The following SHC4 variants were observed in gnomAD, a reference collection of about 807,000 sequenced individuals.
The protein encoded by SHC4 is SHC-transforming protein 4.
SHC4 carries 41 observed loss-of-function variants against 69.4 expected under a neutral mutation model. The observed-to-expected ratio is 0.59, with a 90% CI of 0.46 to 0.77. The LOEUF (loss-of-function observed/expected upper bound fraction) is 0.77, where lower values mean the gene tolerates loss of function less well. Among genes scored for constraint, SHC4 ranks in the 30% least tolerant of loss-of-function variants. The pLI, the probability that SHC4 is intolerant of heterozygous loss-of-function variation, is 0.00. For missense variants in SHC4, 777 were observed against 783.8 expected (o/e 0.99, Z 0.10); for synonymous variants, 318 against 299.3 (o/e 1.06, Z -0.64).
chr15:48,887,375 A>G (rs1900053586), intron 3 of SHC4, among the ~76,000 whole-genome samples: 2 of 152,212 alleles, frequency 1.3e-5, no homozygotes, highest in South Asian at 4.1e-4. Flanking sequence ...CAAGTTACTT[A>G]ACCTCTCAGG....
In SHC4 at chr15:48,963,001, G is replaced by T. The variant is rs781124555; in HGVS notation, c.15C>A (p.Gly5=). The change falls in exon 1 of 12, where the codon GGC becomes GGA. Residue 5 remains glycine (G), a synonymous_variant. Transcript: ENST00000332408. ...GCACGAGTCCTGCCAGGCTGTCCTG[G>T]CCGCGTTCTCGCATAGCCTTGGCAG... MRER[G]QDSLAGLVLY... 1 of 1,608,090 alleles carries T rather than the reference G, an allele frequency of 6.2e-7. No homozygotes were observed. The highest frequency in any genetic ancestry group is 1.7e-5 in the Admixed American group (1 of 59,624).
At chr15:48,877,237 T>C (rs1464006990) in intron 4 of SHC4, 2 of 189,966 alleles carry the variant, frequency 1.1e-5, no homozygotes, top group Non-Finnish European at 2.0e-5. Context: ...TGTCACTGTG[T>C]CTCATCACCC....
intron 9 of SHC4, among the ~76,000 whole-genome samples, chr15:48,848,026 AC>A (rs986152409): frequency 2.7e-5 from 4 of 150,604 alleles, no homozygotes; most frequent in African/African-American, 4.9e-5. Context: ...AACAAAAAAA[AC>A]AAACAAAAAA....
Position 48,824,328 on chromosome 15 carries a change from C to A in SHC4, c.*1643G>T, listed in dbSNP as rs1898648503. On this transcript the variant is annotated 3_prime_UTR_variant, in exon 12 of 12. Coordinates refer to ENST00000332408, the MANE Select transcript of SHC4 (RefSeq NM_203349.4). ...AAAAGAAGTTTTATTTAAAACTTAG[C>A]AAATATATCACAATCACAAAGACTA... The A allele has an allele frequency of 6.6e-6, 1 of 151,456 alleles. No individual in the cohort carries two copies. Among genetic ancestry groups the A allele is most frequent in the Non-Finnish European group, 1.5e-5 (1 of 67,934 alleles). The allele number at this position is 151,456 out of a possible 1,614,324, so 9.4% of individuals were successfully genotyped here.
chr15:48,954,701 C>T (rs76236818), intron 1 of SHC4, among the ~76,000 whole-genome samples: 4,992 of 152,190 alleles, frequency 0.033, 274 homozygotes, highest in African/African-American at 0.12. Flanking sequence ...CGCTGCTGGC[C>T]GGGAGAAAGT....
At chr15:48,827,463 T>G (rs2140961826) in intron 11 of SHC4, among the ~76,000 whole-genome samples, 1 of 152,300 alleles carries the variant, frequency 6.6e-6, no homozygotes, top group Admixed American at 6.5e-5. Context: ...CTCCTCCATC[T>G]CATTCCCATC....
At chr15:48,869,020 G>A (rs995176576) in intron 5 of SHC4, among the ~76,000 whole-genome samples, 3 of 152,176 alleles carry the variant, frequency 2.0e-5, no homozygotes, top group Non-Finnish European at 4.4e-5. Context: ...GAAAGAGGCT[G>A]TGAGACCTCT....
chr15:48,894,694 G>T (rs78043299), intron 2 of SHC4, among the ~76,000 whole-genome samples: 3 of 152,120 alleles, frequency 2.0e-5, no homozygotes, highest in Non-Finnish European at 2.9e-5. Context: ...TCTTGAGCAC[G>T]TTTAGTAAAG....
chr15:48,878,020 A>G (rs1175255872), intron 4 of SHC4: 4 of 928,338 alleles, frequency 4.3e-6, no homozygotes, highest in Non-Finnish European at 6.3e-6. Context: ...GAGCTACTCC[A>G]ACCACAGTGG....
Position 48,884,371 on chromosome 15 carries a change from T to A in SHC4, c.721-4A>T. On this transcript the variant is annotated splice_polypyrimidine_tract_variant and splice_region_variant and intron_variant, in intron 3 of 11. Coordinates refer to ENST00000332408, the MANE Select transcript of SHC4 (RefSeq NM_203349.4). ...TTGATAGGAACTTAACTGGAGGCTT[T>A]AAAAATTAAAGAAGAAAAACAAAAC... 1.9e-6 allele frequency: 3 copies of A among 1,574,150 alleles called. No individual in the cohort carries two copies. Among genetic ancestry groups the A allele is most frequent in the South Asian group, 2.4e-5 (2 of 83,910 alleles).
chr15:48,887,928 C>T (rs76759624), intron 3 of SHC4, among the ~76,000 whole-genome samples: 1 of 152,214 alleles, frequency 6.6e-6, no homozygotes, highest in East Asian at 1.9e-4. Context: ...CCTAGAATAC[C>T]TATCAAGATG....
At chr15:48,920,377 T>A (rs1446795246) in intron 2 of SHC4, among the ~76,000 whole-genome samples, 3 of 152,058 alleles carry the variant, frequency 2.0e-5, no homozygotes, top group Non-Finnish European at 2.9e-5. Context: ...ATATTGCACA[T>A]CTGAGTGATG....
At chr15:48,884,945 C>A (rs1900007215) in intron 3 of SHC4, among the ~76,000 whole-genome samples, 1 of 152,194 alleles carries the variant, frequency 6.6e-6, no homozygotes, top group African/African-American at 2.4e-5. Flanking sequence ...TTCAGAAGGT[C>A]CCAATTGTTA....
intron 1 of SHC4, among the ~76,000 whole-genome samples, chr15:48,925,494 A>G (rs1460409812): frequency 6.6e-6 from 1 of 152,248 alleles, no homozygotes; most frequent in Non-Finnish European, 1.5e-5. Context: ...TGGATAGAAC[A>G]AGCATATAAA....
At chr15:48,923,852 G>A (rs11070662) in intron 2 of SHC4, among the ~76,000 whole-genome samples, 35,404 of 151,614 alleles carry the variant, frequency 0.23, 4,502 homozygotes, top group Non-Finnish European at 0.27. Context: ...TGTTGCCCTG[G>A]CTGGTCTCAA....
chr15:48,870,058 G>A (rs933404901), intron 5 of SHC4, among the ~76,000 whole-genome samples: 4 of 152,162 alleles, frequency 2.6e-5, no homozygotes, highest in Non-Finnish European at 4.4e-5. Flanking sequence ...AAATGTTTGC[G>A]CACCAATTCT....
chr15:48,907,814 A>ATGTGTGTGTG (rs60841488), intron 2 of SHC4, among the ~76,000 whole-genome samples: 18 of 144,986 alleles, frequency 1.2e-4, no homozygotes, highest in South Asian at 4.4e-4. Flanking sequence ...ATGAATGAAT[A>ATGTGTGTGTG]TGTGTGTGTG....
rs187503990 is a variant in SHC4 at position 48,916,437 on chromosome 15, A to G, written c.656+8442T>C. ...ATTTGCAGAATCACTGCTCAGGAGCAATAACATACACAGGAAATTAATCCA... is the reference window on the plus strand; with the variant it reads ...ATTTGCAGAATCACTGCTCAGGAGCGATAACATACACAGGAAATTAATCCA... On this transcript the variant is annotated intron_variant, in intron 2 of 11. Coordinates refer to ENST00000332408, the MANE Select transcript of SHC4 (RefSeq NM_203349.4). 2.5e-4 allele frequency among the ~76,000 whole-genome samples: 38 copies of G among 152,270 alleles called. No individual in the cohort carries two copies. In the East Asian group the frequency reaches 6.9e-3, roughly 28 times the overall value.
intron 2 of SHC4, among the ~76,000 whole-genome samples, chr15:48,904,916 GCACACACACACACACACAGA>G (rs1900380591): frequency 7.5e-6 from 1 of 133,250 alleles, no homozygotes; most frequent in Non-Finnish European, 1.6e-5. Context: ...CGACACACAC[GCACACACACACACACACAGA>G]CACAACACAC....
Sources: allele counts gnomAD v4.1 joint callset (sites outside exome capture counted in the v4.1 genomes callset), GRCh38; gene constraint gnomAD v4.1.1; transcripts MANE v1.5; gene names NCBI Gene and HGNC (gene_info 2026-07-23, HGNC 2026-07-21).